ASB5: variants seen among roughly 807,000 people sequenced by gnomAD.
The protein encoded by ASB5 is ankyrin repeat and SOCS box containing 5.
Under a neutral mutation model 42.1 loss-of-function variants are expected in ASB5, and 45 were observed. The ratio of observed to expected loss-of-function variants is 1.07; its 90% CI spans 0.84 to 1.37. The LOEUF (loss-of-function observed/expected upper bound fraction) is 1.37, where lower values mean the gene tolerates loss of function less well. Among genes scored for constraint, ASB5 ranks in the 40% most tolerant of loss-of-function variants. The probability of loss-of-function intolerance (pLI) is 0.00; values close to 1 mark genes in which losing one functional copy is unlikely to be tolerated. For synonymous variants in ASB5, 147 were observed against 150.6 expected (o/e 0.98, Z 0.18); for missense variants, 402 against 399.8 (o/e 1.01, Z -0.05).
In ASB5 at chr4:176,232,256, A is replaced by G. The variant is rs148577949; in HGVS notation, c.197-6915T>C. 5.9e-3 allele frequency among the ~76,000 whole-genome samples: 895 copies of G among 151,734 alleles called. 7 individuals are homozygous for G. Among genetic ancestry groups the G allele is most frequent in the Non-Finnish European group, 9.5e-3 (645 of 67,904 alleles). ...CCCTGCCTCAGCCACCCAAGTAGCT[A>G]GGATTACAGACATGTGCCAACACAC... On this transcript the variant is annotated intron_variant, in intron 1 of 6. Coordinates refer to ENST00000296525, the MANE Select transcript of ASB5 (RefSeq NM_080874.4).
At chr4:176,227,202 T>C (rs540262887) in intron 1 of ASB5, among the ~76,000 whole-genome samples, 2 of 152,302 alleles carry the variant, frequency 1.3e-5, no homozygotes, top group African/African-American at 4.8e-5. Context: ...AAATAATAAT[T>C]GTATATACCT....
rs2126954291 is a variant in ASB5 at position 176,230,602 on chromosome 4, A to G, written c.197-5261T>C. ...TAACATATGAGAATCAAAGGATACTACAATGTATATCACATTCCAATTTCT... is the reference window on the plus strand; with the variant it reads ...TAACATATGAGAATCAAAGGATACTGCAATGTATATCACATTCCAATTTCT... On this transcript the variant is annotated intron_variant, in intron 1 of 6. Transcript: ENST00000296525. Among the ~76,000 whole-genome samples, 3 of 152,366 alleles carry G rather than the reference A, an allele frequency of 2.0e-5. No homozygotes were observed. The South Asian group carries it at 6.2e-4, about 32-fold the overall frequency.
At chr4:176,234,316 C>T (rs968341781) in intron 1 of ASB5, among the ~76,000 whole-genome samples, 1 of 152,196 alleles carries the variant, frequency 6.6e-6, no homozygotes, top group Non-Finnish European at 1.5e-5. Context: ...CATCCTCATC[C>T]AGACATACTG....
intron 1 of ASB5, among the ~76,000 whole-genome samples, chr4:176,237,734 C>T (rs965276118): frequency 6.6e-6 from 1 of 152,172 alleles, no homozygotes; most frequent in African/African-American, 2.4e-5. Context: ...GGTATAATTG[C>T]TTTTCCTAGT....
At chr4:176,226,223 G>A (rs200120818) in intron 1 of ASB5, among the ~76,000 whole-genome samples, 68 of 152,110 alleles carry the variant, frequency 4.5e-4, no homozygotes, top group Non-Finnish European at 4.7e-4. Flanking sequence ...ATGGCTGGGG[G>A]CCTGGAGAGA....
chr4:176,238,012 A>G (rs1753727190), intron 1 of ASB5, among the ~76,000 whole-genome samples: 1 of 152,104 alleles, frequency 6.6e-6, no homozygotes, highest in African/African-American at 2.4e-5. Context: ...ACCTGAGGTC[A>G]GGGGTTAGAG....
At chr4:176,227,414 C>T (rs1194788952) in intron 1 of ASB5, among the ~76,000 whole-genome samples, 2 of 152,150 alleles carry the variant, frequency 1.3e-5, no homozygotes, top group African/African-American at 4.8e-5. Context: ...GGATTGATGA[C>T]TGGTAAATGA....
intron 1 of ASB5, among the ~76,000 whole-genome samples, chr4:176,229,694 C>A (rs895109964): frequency 6.6e-6 from 1 of 152,100 alleles, no homozygotes. Flanking sequence ...AAAACTGAAG[C>A]CAGATATTAC....
Position 176,215,101 on chromosome 4 carries a change from A to G in ASB5, c.*499T>C, listed in dbSNP as rs550864615. On this transcript the variant is annotated 3_prime_UTR_variant, in exon 7 of 7. Coordinates refer to ENST00000296525, the MANE Select transcript of ASB5 (RefSeq NM_080874.4). ...TTCTAATGACCAGTGGACATTCAAC[A>G]TAGTGGATTTCCTGAATGAGCATCA... 1 of 152,514 alleles carries G rather than the reference A, an allele frequency of 6.6e-6. No individual in the cohort carries two copies. The highest frequency in any genetic ancestry group is 1.9e-4 in the East Asian group (1 of 5,192). 9.4% of individuals were successfully genotyped at this position (152,514 alleles called of 1,614,324 possible).
intron 2 of ASB5, among the ~76,000 whole-genome samples, chr4:176,224,320 T>G (rs1462735099): frequency 7.2e-6 from 1 of 138,506 alleles, no homozygotes; most frequent in East Asian, 2.5e-4. Flanking sequence ...CGGCAACCTC[T>G]GCCTCCCAGG....
intron 5 of ASB5, among the ~76,000 whole-genome samples, chr4:176,220,917 ATATAGAGATTATG>A (rs1753185395): frequency 6.6e-6 from 1 of 152,204 alleles, no homozygotes; most frequent in African/African-American, 2.4e-5. Context: ...TGCATGCAAA[ATATAGAGATTATG>A]TATCTATCTG....
At chr4:176,239,734 C>T (rs775470291) in intron 1 of ASB5, among the ~76,000 whole-genome samples, 2 of 152,080 alleles carry the variant, frequency 1.3e-5, no homozygotes, top group African/African-American at 2.4e-5. Flanking sequence ...AAACAAATTT[C>T]CAGGGCAGTG....
At chr4:176,239,844 A>T (rs997641104) in intron 1 of ASB5, among the ~76,000 whole-genome samples, 2 of 152,182 alleles carry the variant, frequency 1.3e-5, no homozygotes, top group Admixed American at 6.5e-5. Context: ...TCAATACTTA[A>T]TTCTTTTAAA....
At chr4:176,228,183 G>A (rs1433447136) in intron 1 of ASB5, among the ~76,000 whole-genome samples, 1 of 152,162 alleles carries the variant, frequency 6.6e-6, no homozygotes, top group East Asian at 1.9e-4. Flanking sequence ...TTCTTAGATA[G>A]TCAGGGAATT....
intron 1 of ASB5, chr4:176,249,383 A>G (rs1285080201): frequency 6.6e-6 from 1 of 152,188 alleles, no homozygotes; most frequent in Non-Finnish European, 1.5e-5. Context: ...AAAAGATCCC[A>G]GGTAAAAAGA....
chr4:176,238,188 CAGA>C (rs1229725093), intron 1 of ASB5, among the ~76,000 whole-genome samples: 2 of 119,552 alleles, frequency 1.7e-5, no homozygotes, highest in Non-Finnish European at 3.2e-5. Context: ...GCCTGGGCGA[CAGA>C]AGGAGACTCC....
upstream of ASB5, among the ~76,000 whole-genome samples, chr4:176,269,393 C>T (rs554880859): frequency 1.1e-3 from 172 of 152,220 alleles, 1 homozygote; most frequent in Middle Eastern, 3.4e-3. Flanking sequence ...TTTCAAAATC[C>T]AGATATTGAA....
intron 1 of ASB5, among the ~76,000 whole-genome samples, chr4:176,235,818 G>A (rs1753670793): frequency 6.6e-6 from 1 of 150,876 alleles, no homozygotes; most frequent in Non-Finnish European, 1.5e-5. Flanking sequence ...TTAAATCATA[G>A]CATGGGGGCA....
At chr4:176,234,381 T>C (rs557973394) in intron 1 of ASB5, among the ~76,000 whole-genome samples, 68 of 152,328 alleles carry the variant, frequency 4.5e-4, no homozygotes, top group Middle Eastern at 3.4e-3. Context: ...AAGTACTCCT[T>C]TCTGAGACCC....
Sources: allele counts gnomAD v4.1 joint callset (sites outside exome capture counted in the v4.1 genomes callset), GRCh38; gene constraint gnomAD v4.1.1; transcripts MANE v1.5; gene names NCBI Gene and HGNC (gene_info 2026-07-23, HGNC 2026-07-21).